The following LIMCH1 variants were observed in gnomAD, a reference collection of about 807,000 sequenced individuals.
The protein encoded by LIMCH1 is LIM and calponin homology domains-containing protein 1.
LIMCH1 carries 113 observed loss-of-function variants against 176.5 expected under a neutral mutation model. The observed-to-expected ratio is 0.64, with a 90% CI of 0.55 to 0.75. The LOEUF (loss-of-function observed/expected upper bound fraction) is 0.75, where lower values mean the gene tolerates loss of function less well. Among genes scored for constraint, LIMCH1 ranks in the 30% least tolerant of loss-of-function variants. The pLI is 0.00. For synonymous variants in LIMCH1, 619 were observed against 645.9 expected (o/e 0.96, Z 0.63); for missense variants, 1,674 against 1,814.9 (o/e 0.92, Z 1.41).
intron 1 of LIMCH1, among the ~76,000 whole-genome samples, chr4:41,567,070 C>T (rs1013464712): frequency 6.6e-6 from 1 of 152,192 alleles, no homozygotes; most frequent in African/African-American, 2.4e-5. Context: ...GTTCTGAGAA[C>T]TAGCAAGGGC....
intron 14 of LIMCH1, among the ~76,000 whole-genome samples, chr4:41,644,085 G>T (rs1008889236): frequency 7.9e-5 from 12 of 151,918 alleles, no homozygotes; most frequent in African/African-American, 2.9e-4. Flanking sequence ...ATGGAACACC[G>T]CCCTCTTTCC....
rs1325861079 is a variant in LIMCH1, at chr4:41,385,177, C to T, written c.96+24241C>T. ...CCAGCTTTTGCTTCCTTAATGAATG[C>T]ACTTCCTTCATCTGTTAGTGATAAG... On this transcript the variant is annotated intron_variant, in intron 1 of 26. Transcript: ENST00000313860. Among the ~76,000 whole-genome samples, 5 of 152,220 alleles carry T rather than the reference C, an allele frequency of 3.3e-5. 1 individual carries two copies. Among genetic ancestry groups the T allele is most frequent in the Non-Finnish European group, 7.3e-5 (5 of 68,048 alleles).
chr4:41,534,329 C>T (rs1329776080), upstream of LIMCH1, among the ~76,000 whole-genome samples: 1 of 152,042 alleles, frequency 6.6e-6, no homozygotes, highest in Non-Finnish European at 1.5e-5. Context: ...TGCTAAGACA[C>T]TGGCAATGAA....
chr4:41,406,107 G>A (rs1377002169), intron 1 of LIMCH1, among the ~76,000 whole-genome samples: 1 of 152,166 alleles, frequency 6.6e-6, no homozygotes, highest in African/African-American at 2.4e-5. Context: ...ATCACTTCTT[G>A]CTTCCTAATA....
At chr4:41,554,172 G>A (rs1277676873) in intron 1 of LIMCH1, among the ~76,000 whole-genome samples, 2 of 152,146 alleles carry the variant, frequency 1.3e-5, no homozygotes, top group Non-Finnish European at 2.9e-5. Flanking sequence ...GCTTCCACTT[G>A]TATTTAATAG....
At chr4:41,424,027 C>T (rs777437814) in intron 1 of LIMCH1, among the ~76,000 whole-genome samples, 8 of 150,482 alleles carry the variant, frequency 5.3e-5, no homozygotes, top group Non-Finnish European at 1.2e-4. Context: ...TAGTGTGATT[C>T]CCTCCTTCCT....
In LIMCH1 at chr4:41,697,454, A is replaced by G. The variant is rs1731476915; in HGVS notation, c.*269A>G. 4.9e-6 allele frequency: 2 copies of G among 409,106 alleles called. No homozygotes were observed. Among genetic ancestry groups the G allele is most frequent in the Admixed American group, 4.0e-5 (1 of 24,840 alleles). 25.3% of individuals were successfully genotyped at this position (409,106 alleles called of 1,614,324 possible). ...TCCTGAATAGCTCAAAAAAGGTTTT[A>G]GCATGGTCAAACAGGCTTATGGTTT... On this transcript the variant is annotated 3_prime_UTR_variant, in exon 32 of 32. Coordinates refer to ENST00000503057, the MANE Select transcript of LIMCH1 (RefSeq NM_001330672.2).
intron 1 of LIMCH1, among the ~76,000 whole-genome samples, chr4:41,448,735 C>G (rs1427669080): frequency 6.6e-6 from 1 of 152,068 alleles, no homozygotes; most frequent in African/African-American, 2.4e-5. Context: ...ATTTCCCAAC[C>G]TTTCCTTTCT....
At chr4:41,624,106 T>C (rs1209367757) in intron 7 of LIMCH1, among the ~76,000 whole-genome samples, 1 of 152,202 alleles carries the variant, frequency 6.6e-6, no homozygotes, top group Admixed American at 6.5e-5. Flanking sequence ...TAAAATGCCA[T>C]GGAGATTTGA....
At chr4:41,526,495 T>C (rs2076669700) in intron 3 of LIMCH1, among the ~76,000 whole-genome samples, 1 of 152,152 alleles carries the variant, frequency 6.6e-6, no homozygotes. Flanking sequence ...AGAGCACTTG[T>C]GGCCCTGGTG....
intron 14 of LIMCH1, among the ~76,000 whole-genome samples, chr4:41,640,889 C>T (rs1028816184): frequency 5.9e-5 from 9 of 152,126 alleles, no homozygotes; most frequent in Non-Finnish European, 7.3e-5. Flanking sequence ...AAATTTCCAC[C>T]TCCTAACCAG....
intron 18 of LIMCH1, among the ~76,000 whole-genome samples, chr4:41,660,038 A>G (rs2094567434): frequency 6.6e-6 from 1 of 152,156 alleles, no homozygotes; most frequent in East Asian, 1.9e-4. Context: ...CACATTAAAA[A>G]TAATCACAAT....
chr4:41,426,063 C>T (rs554831120), intron 1 of LIMCH1, among the ~76,000 whole-genome samples: 23 of 145,312 alleles, frequency 1.6e-4, no homozygotes, highest in South Asian at 4.4e-4. Flanking sequence ...GCTCTGTCGC[C>T]CAGGCTGGAG....
chr4:41,488,984 T>C (rs1410584666), intron 1 of LIMCH1, among the ~76,000 whole-genome samples: 2 of 152,196 alleles, frequency 1.3e-5, no homozygotes, highest in Admixed American at 6.5e-5. Context: ...GGTATCTTTC[T>C]ATGTCTTTGT....
chr4:41,468,915 T>G (rs1292934054), intron 1 of LIMCH1, among the ~76,000 whole-genome samples: 1 of 152,198 alleles, frequency 6.6e-6, no homozygotes, highest in East Asian at 1.9e-4. Flanking sequence ...TGAAAAACTG[T>G]CACCTTACCC....
chr4:41,541,338 G>C (rs1297855266), intron 1 of LIMCH1, among the ~76,000 whole-genome samples: 1 of 152,152 alleles, frequency 6.6e-6, no homozygotes, highest in Non-Finnish European at 1.5e-5. Flanking sequence ...TCTCTTTTCA[G>C]CTCTGGGTAC....
intron 1 of LIMCH1, among the ~76,000 whole-genome samples, chr4:41,396,414 T>C (rs1456336309): frequency 6.6e-6 from 1 of 152,234 alleles, no homozygotes; most frequent in East Asian, 1.9e-4. Context: ...GCTACTGACC[T>C]ATTTAAATAT....
At chr4:41,673,686 C>G (rs1433355133) in intron 22 of LIMCH1, among the ~76,000 whole-genome samples, 1 of 152,066 alleles carries the variant, frequency 6.6e-6, no homozygotes, top group Non-Finnish European at 1.5e-5. Flanking sequence ...GAAGGGATTC[C>G]ATTCATTTAT....
intron 2 of LIMCH1, among the ~76,000 whole-genome samples, chr4:41,509,497 C>G (rs2074584904): frequency 2.0e-5 from 3 of 152,248 alleles, no homozygotes; most frequent in African/African-American, 7.2e-5. Flanking sequence ...CCTTGTCCTT[C>G]TGCCAAATCA....
Sources: allele counts gnomAD v4.1 joint callset (sites outside exome capture counted in the v4.1 genomes callset), GRCh38; gene constraint gnomAD v4.1.1; transcripts MANE v1.5; gene names NCBI Gene and HGNC (gene_info 2026-07-23, HGNC 2026-07-21).